The following GTF2F2 variants were observed in gnomAD, a reference collection of about 807,000 sequenced individuals.
GTF2F2 encodes ATP-dependent helicase GTF2F2.
Under a neutral mutation model 42.2 loss-of-function variants are expected in GTF2F2, and 23 were observed. The observed-to-expected ratio is 0.55, with a 90% CI of 0.39 to 0.77. The LOEUF is 0.77. Among genes scored for constraint, GTF2F2 ranks in the 30% least tolerant of loss-of-function variants. GTF2F2 has a pLI of 0.00. For synonymous variants in GTF2F2, 105 were observed against 100.8 expected, an observed-to-expected ratio of 1.04 and a Z score of -0.25; for missense variants, 261 against 287.2, an observed-to-expected ratio of 0.91 and a Z score of 0.66.
At chr13:45,266,164 A>G (rs1380814765) in intron 6 of GTF2F2, among the ~76,000 whole-genome samples, 1 of 152,212 alleles carries the variant, frequency 6.6e-6, no homozygotes, top group African/African-American at 2.4e-5. Context: ...TGCAGAATAA[A>G]CATAACACAT....
chr13:45,196,272 T>C (rs1872886679), intron 4 of GTF2F2, among the ~76,000 whole-genome samples: 1 of 152,216 alleles, frequency 6.6e-6, no homozygotes, highest in African/African-American at 2.4e-5. Flanking sequence ...AAAGATAACA[T>C]TGCATTCCAG....
intron 1 of GTF2F2, among the ~76,000 whole-genome samples, chr13:45,128,012 G>A (rs1869132202): frequency 7.4e-6 from 1 of 135,544 alleles, no homozygotes; most frequent in South Asian, 2.3e-4. Context: ...CCAGGCCGGA[G>A]TGCAGTGGCG....
chr13:45,241,736 T>C (rs577860655), intron 5 of GTF2F2, among the ~76,000 whole-genome samples: 23 of 152,316 alleles, frequency 1.5e-4, no homozygotes, highest in African/African-American at 5.5e-4. Context: ...GTAAGCCTTA[T>C]GATTTGAAAA....
At chr13:45,180,836 C>T (rs1872117445) in intron 4 of GTF2F2, among the ~76,000 whole-genome samples, 1 of 151,982 alleles carries the variant, frequency 6.6e-6, no homozygotes, top group African/African-American at 2.4e-5. Flanking sequence ...TTGCTGGTCT[C>T]TGATGTGGTC....
intron 4 of GTF2F2, among the ~76,000 whole-genome samples, chr13:45,203,256 T>G (rs1291721752): frequency 6.6e-6 from 1 of 151,088 alleles, no homozygotes; most frequent in East Asian, 1.9e-4. Context: ...TTTTTTTTTT[T>G]GGATTTTTAG....
chr13:45,191,224 A>AAAAAAAAAAATATATATATATATATAT, intron 4 of GTF2F2, among the ~76,000 whole-genome samples: 2 of 75,314 alleles, frequency 2.7e-5, no homozygotes, highest in Non-Finnish European at 4.4e-5. Flanking sequence ...ACAAAAAAAA[A>AAAAAAAAAAATATATATATATATATAT]ATATATATAT....
At chr13:45,153,159 G>A (rs1473119137) in intron 4 of GTF2F2, among the ~76,000 whole-genome samples, 4 of 151,438 alleles carry the variant, frequency 2.6e-5, no homozygotes, top group African/African-American at 4.9e-5. Context: ...ACAGGTGCCC[G>A]CCACCATGCC....
chr13:45,157,207 A>G (rs550723608), intron 4 of GTF2F2, among the ~76,000 whole-genome samples: 2 of 152,200 alleles, frequency 1.3e-5, no homozygotes, highest in East Asian at 3.9e-4. Flanking sequence ...AGTTGGGAAC[A>G]AGACTGGCAT....
chr13:45,135,009 AGTGGT>A, intron 1 of GTF2F2, among the ~76,000 whole-genome samples: 1 of 150,852 alleles, frequency 6.6e-6, no homozygotes, highest in East Asian at 2.0e-4. Flanking sequence ...GCTGGAGTGC[AGTGGT>A]GTAATCTCAG....
intron 5 of GTF2F2, 129 bp from the exon 6 acceptor site, chr13:45,252,742 G>A: frequency 1.7e-6 from 1 of 575,726 alleles, no homozygotes; most frequent in Non-Finnish European, 3.0e-6. Flanking sequence ...AAGTATTAAA[G>A]CTAGTGTATC....
At chr13:45,242,256 C>CTTTT (rs71184405) in intron 5 of GTF2F2, among the ~76,000 whole-genome samples, 7 of 105,658 alleles carry the variant, frequency 6.6e-5, no homozygotes, top group Non-Finnish European at 9.5e-5. Context: ...GCTGGCACTT[C>CTTTT]TTTTTTTTTT....
rs548534179 is a variant in GTF2F2 at position 45,166,365 on chromosome 13, G to T, written c.304+14534G>T. 1.2e-4 allele frequency among the ~76,000 whole-genome samples: 19 copies of T among 152,296 alleles called. No individual in the cohort carries two copies. In the East Asian group the frequency reaches 3.7e-3, roughly 29 times the overall value. On this transcript the variant is annotated intron_variant, in intron 4 of 7. Coordinates refer to ENST00000340473, the MANE Select transcript of GTF2F2 (RefSeq NM_004128.3). ...TATATAGGTTATAGCATCCCCTGGT[G>T]AAGATGCACTTCGTCAAGTCATTCA...
intron 4 of GTF2F2, among the ~76,000 whole-genome samples, chr13:45,205,923 A>G (rs559920338): frequency 6.6e-6 from 1 of 152,294 alleles, no homozygotes; most frequent in East Asian, 1.9e-4. Flanking sequence ...TATTGTTGTG[A>G]CGACTAAAGA....
chr13:45,220,694 G>A (rs118094479), intron 5 of GTF2F2, among the ~76,000 whole-genome samples: 2 of 152,190 alleles, frequency 1.3e-5, no homozygotes, highest in East Asian at 1.9e-4. Flanking sequence ...TTGCCTGGTC[G>A]GTTGGGCTGA....
chr13:45,243,886 C>T (rs542434377), intron 5 of GTF2F2, among the ~76,000 whole-genome samples: 1 of 152,330 alleles, frequency 6.6e-6, no homozygotes, highest in Non-Finnish European at 1.5e-5. Context: ...GTCTCAAACT[C>T]CTGACCTCAA....
intron 5 of GTF2F2, among the ~76,000 whole-genome samples, chr13:45,223,152 G>A (rs1430720774): frequency 1.3e-5 from 2 of 151,398 alleles, no homozygotes; most frequent in African/African-American, 4.9e-5. Flanking sequence ...AGCTACTCCT[G>A]AGGCTGAGGT....
At chr13:45,145,264 A>G (rs1410180042) in intron 2 of GTF2F2, among the ~76,000 whole-genome samples, 1 of 152,192 alleles carries the variant, frequency 6.6e-6, no homozygotes, top group Non-Finnish European at 1.5e-5. Flanking sequence ...ATAGTAAAAT[A>G]TTTATGCCCT....
intron 4 of GTF2F2, among the ~76,000 whole-genome samples, chr13:45,200,806 T>C (rs1873145545): frequency 6.6e-6 from 1 of 152,150 alleles, no homozygotes; most frequent in Non-Finnish European, 1.5e-5. Context: ...TTAAAAATGG[T>C]TTGCCTTTTA....
intron 5 of GTF2F2, among the ~76,000 whole-genome samples, chr13:45,240,153 C>T (rs1390051775): frequency 7.4e-6 from 1 of 134,710 alleles, no homozygotes; most frequent in Non-Finnish European, 1.5e-5. Context: ...CACCAACTGC[C>T]ATGCACTCTC....
Sources: gnomAD v4.1 joint callset for allele counts (sites outside exome capture counted in the v4.1 genomes callset) on GRCh38, gnomAD v4.1.1 for gene constraint, MANE v1.5 for transcripts, NCBI Gene and HGNC (gene_info 2026-07-23, HGNC 2026-07-21) for gene names.